HIVEP1: variants seen among roughly 807,000 people sequenced by gnomAD.
The protein encoded by HIVEP1 is zinc finger protein 40.
In HIVEP1, 36 loss-of-function variants were observed where a neutral mutation model predicts 180.0. The ratio of observed to expected loss-of-function variants is 0.20; its 90% CI spans 0.15 to 0.26. HIVEP1 has a LOEUF of 0.26. HIVEP1 is among the 10% of genes least tolerant of loss of function. The pLI, the probability that HIVEP1 is intolerant of heterozygous loss-of-function variation, is 1.00. For synonymous variants in HIVEP1, 1,239 were observed against 1,239.0 expected (o/e 1.00, Z 0.00); for missense variants, 3,143 against 3,268.7 (o/e 0.96, Z 0.94).
At chr6:12,125,953 G>T in intron 4 of HIVEP1, 83 bp downstream of exon 4, 1 of 774,276 alleles carries the variant, frequency 1.3e-6, no homozygotes, top group Non-Finnish European at 2.1e-6. Context: ...TATTTTAACT[G>T]GAAATATTTT....
At chr6:12,094,660 A>C (rs915242343) in intron 3 of HIVEP1, among the ~76,000 whole-genome samples, 17 of 152,056 alleles carry the variant, frequency 1.1e-4, no homozygotes, top group African/African-American at 4.1e-4. Context: ...ATGATGTTTA[A>C]TCTTAATCAC....
intron 2 of HIVEP1, among the ~76,000 whole-genome samples, chr6:12,039,728 G>A (rs1380681111): frequency 1.3e-5 from 2 of 152,160 alleles, no homozygotes; most frequent in African/African-American, 4.8e-5. Context: ...CATTGGAAGG[G>A]GTGTCAGGTT....
chr6:12,204,239 A>G, the HIVEP1 span, among the ~76,000 whole-genome samples: 10 of 152,238 alleles, frequency 6.6e-5, no homozygotes, highest in East Asian at 1.9e-3. Context: ...TGCACTGTCT[A>G]TCATAGGACA....
intron 2 of HIVEP1, among the ~76,000 whole-genome samples, chr6:12,064,335 TTC>T (rs1771427149): frequency 6.6e-6 from 1 of 152,202 alleles, no homozygotes; most frequent in Non-Finnish European, 1.5e-5. Context: ...TGAAGTTTCT[TTC>T]TTTCTCAGCA....
chr6:12,110,042 G>A (rs192324441), intron 3 of HIVEP1, among the ~76,000 whole-genome samples: 37 of 152,336 alleles, frequency 2.4e-4, no homozygotes, highest in Non-Finnish European at 2.9e-5. Flanking sequence ...TATTCAATGA[G>A]CAGTGATATT....
chr6:12,079,968 C>CTATA (rs1168064569), intron 2 of HIVEP1, among the ~76,000 whole-genome samples: 1 of 151,854 alleles, frequency 6.6e-6, no homozygotes, highest in Non-Finnish European at 1.5e-5. Context: ...ATCTATCTAT[C>CTATA]TATCTATCTA....
At chr6:12,014,714 G>T (rs1581487936) in intron 1 of HIVEP1, among the ~76,000 whole-genome samples, 1 of 152,314 alleles carries the variant, frequency 6.6e-6, no homozygotes, top group African/African-American at 2.4e-5. Context: ...TCGGTTTTGG[G>T]TCATTCTTAT....
intron 3 of HIVEP1, among the ~76,000 whole-genome samples, chr6:12,097,552 A>G (rs1162851693): frequency 6.6e-6 from 1 of 152,150 alleles, no homozygotes; most frequent in Non-Finnish European, 1.5e-5. Context: ...TTAAAATTTC[A>G]AATTTAAATA....
the HIVEP1 span, among the ~76,000 whole-genome samples, chr6:12,177,515 T>A: frequency 6.6e-6 from 1 of 152,296 alleles, no homozygotes; most frequent in Non-Finnish European, 1.5e-5. Flanking sequence ...ACCTCAGAAA[T>A]TGCTGTGAAT....
intron 3 of HIVEP1, among the ~76,000 whole-genome samples, chr6:12,089,498 C>T (rs1419917482): frequency 6.6e-6 from 1 of 152,034 alleles, no homozygotes; most frequent in Non-Finnish European, 1.5e-5. Context: ...TTTTGAAAGT[C>T]CTGTTTGTGA....
At chr6:12,041,196 C>T (rs1198794672) in intron 2 of HIVEP1, among the ~76,000 whole-genome samples, 3 of 151,878 alleles carry the variant, frequency 2.0e-5, no homozygotes, top group Non-Finnish European at 2.9e-5. Flanking sequence ...CTGAGGCAGG[C>T]GGATCACAAG....
the HIVEP1 span, among the ~76,000 whole-genome samples, chr6:12,202,535 A>G: frequency 6.6e-6 from 1 of 152,126 alleles, no homozygotes; most frequent in African/African-American, 2.4e-5. Flanking sequence ...TTTAGGTTGA[A>G]TCCATTCTTA....
At chr6:12,205,425 T>C in the HIVEP1 span, among the ~76,000 whole-genome samples, 11 of 151,568 alleles carry the variant, frequency 7.3e-5, no homozygotes, top group East Asian at 2.0e-4. Context: ...GAGCCGAGAT[T>C]GCGCCACTGC....
chr6:12,028,467 CTTTA>C lies in HIVEP1; in HGVS notation c.40+12805_40+12808del, dbSNP rs1263223563. Among the ~76,000 whole-genome samples the C allele has an allele frequency of 3.9e-5, 6 of 152,222 alleles. No individual in the cohort carries two copies. In the East Asian group the frequency reaches 9.6e-4, roughly 24 times the overall value. ...GACTGCATAGCCAAGGGGTTAAATGCTTTATTTATCCTTCTGTATGTTGACAGTT... is the reference window on the plus strand; with the variant it reads ...GACTGCATAGCCAAGGGGTTAAATGCTTTATCCTTCTGTATGTTGACAGTT... On this transcript the variant is annotated intron_variant, in intron 2 of 8. Transcript: ENST00000379388.
At chr6:12,050,151 G>A (rs917302662) in intron 2 of HIVEP1, among the ~76,000 whole-genome samples, 4 of 152,152 alleles carry the variant, frequency 2.6e-5, no homozygotes, top group African/African-American at 7.2e-5. Flanking sequence ...CAGCCCAGTG[G>A]AAACAAGCCT....
At chr6:12,163,003 TATG>T (rs1760503026) in intron 8 of HIVEP1, among the ~76,000 whole-genome samples, 1 of 152,152 alleles carries the variant, frequency 6.6e-6, no homozygotes. Context: ...CTGTGTACAA[TATG>T]ACAAAATCCA....
At chr6:12,021,290 G>A (rs898758848) in intron 2 of HIVEP1, among the ~76,000 whole-genome samples, 3 of 152,158 alleles carry the variant, frequency 2.0e-5, no homozygotes, top group Admixed American at 2.0e-4. Context: ...TGTTCTCCAC[G>A]GCATCTTGTG....
At chr6:12,181,378 AAAAT>A in the HIVEP1 span, among the ~76,000 whole-genome samples, 2 of 151,656 alleles carry the variant, frequency 1.3e-5, no homozygotes, top group African/African-American at 4.8e-5. Flanking sequence ...AAAAATAATA[AAAAT>A]AAATAAATAA....
Position 12,161,633 on chromosome 6 carries a change from A to C in HIVEP1, c.6682A>C (p.Thr2228Pro), listed in dbSNP as rs1283630760. The change falls in exon 8 of 9, where the codon ACT becomes CCT. Residue 2228 changes from threonine to proline, a missense_variant. Around this residue, in one of 12 missense-constraint regions of HIVEP1, gnomAD observed 595 missense variants for 602.2 expected, o/e 0.99. Transcript: ENST00000379388. ...AAGTAGCCTTCAGGACCCTGTGAGTACTGACGAGGATGTCAGGATCACCGA... is the reference window on the plus strand; with the variant it reads ...AAGTAGCCTTCAGGACCCTGTGAGTCCTGACGAGGATGTCAGGATCACCGA... ...SRSSLQDPVS[T>P]DEDVRITDCF... The C allele has an allele frequency of 6.2e-7, 1 of 1,614,008 alleles. No homozygotes were observed. The highest frequency in any genetic ancestry group is 1.7e-5 in the Admixed American group (1 of 60,028).
Sources: gnomAD v4.1 joint callset for allele counts (sites outside exome capture counted in the v4.1 genomes callset) on GRCh38, gnomAD v4.1.1 for gene constraint, gnomAD v4.1.1 regional missense constraint, MANE v1.5 for transcripts, NCBI Gene and HGNC (gene_info 2026-07-23, HGNC 2026-07-21) for gene names.